KIAA1549: variants seen among roughly 807,000 people sequenced by gnomAD.
KIAA1549 encodes the protein UPF0606 protein KIAA1549.
A neutral mutation model predicts 156.4 loss-of-function variants in KIAA1549; 70 were observed. The observed-to-expected ratio is 0.45, with a 90% CI of 0.37 to 0.55. The LOEUF (loss-of-function observed/expected upper bound fraction) is 0.55. Ranked by LOEUF, KIAA1549 falls within the 20% of genes least tolerant of loss-of-function variation. The probability of loss-of-function intolerance (pLI) is 0.00; values close to 1 mark genes in which losing one functional copy is unlikely to be tolerated. For missense variants in KIAA1549, 2,428 were observed against 2,540.9 expected, an observed-to-expected ratio of 0.96 and a Z score of 0.96; for synonymous variants, 1,103 against 1,066.4, an observed-to-expected ratio of 1.03 and a Z score of -0.67.
intron 1 of KIAA1549, among the ~76,000 whole-genome samples, chr7:138,980,613 T>C (rs1814516460): frequency 1.3e-5 from 2 of 152,202 alleles, no homozygotes; most frequent in South Asian, 4.1e-4. Context: ...ACGGCCGGCC[T>C]GCCCGCATCT....
rs924895565 is a variant in KIAA1549, at chr7:138,835,059, G to T, written c.*2847C>A. 5 of 224,256 alleles carry T rather than the reference G, an allele frequency of 2.2e-5. No homozygotes were observed. The highest frequency in any genetic ancestry group is 1.3e-3 in the Middle Eastern group (1 of 748). 13.9% of individuals were successfully genotyped at this position (224,256 alleles called of 1,614,324 possible). A position where few individuals can be genotyped will look rare whatever the true frequency, so the allele number is the denominator to read the frequency against. On this transcript the variant is annotated 3_prime_UTR_variant, in exon 20 of 20. Transcript: ENST00000422774. ...CTAGAACTTTTAAAATAGGAAAAAA[G>T]AATAGACATAAAATTCAACTGTTCA...
At chr7:138,876,017 G>A (rs1811075393) in intron 12 of KIAA1549, among the ~76,000 whole-genome samples, 1 of 152,018 alleles carries the variant, frequency 6.6e-6, no homozygotes, top group South Asian at 2.1e-4. Context: ...GCCCAGGCTG[G>A]AAAACCACAT....
At chr7:138,867,320 C>A (rs1232726811) in intron 15 of KIAA1549, among the ~76,000 whole-genome samples, 1 of 152,012 alleles carries the variant, frequency 6.6e-6, no homozygotes, top group Non-Finnish European at 1.5e-5. Flanking sequence ...TGTGGGAGGC[C>A]AAGGCGGGAG....
At chr7:138,909,573 A>G (rs915017524) in intron 4 of KIAA1549, among the ~76,000 whole-genome samples, 1 of 152,238 alleles carries the variant, frequency 6.6e-6, no homozygotes, top group Admixed American at 6.5e-5. Context: ...AACCATGGGT[A>G]TATGTAGACT....
chr7:138,917,205 A>G lies in KIAA1549; in HGVS notation c.2421T>C (p.Thr807=). ...PILTESSLFS[T]LTPPDDQISA... is the part of the protein sequence containing the mutation. ...TGATTTGGTCGTCAGGAGGTGTCAG[A>G]GTTGAGAACAAAGAAGACTCAGTTA... The change falls in exon 2 of 20, where the codon ACT becomes ACC. Residue 807 remains threonine, a synonymous_variant. Transcript: ENST00000422774. 14 of 1,613,994 alleles carry G rather than the reference A, an allele frequency of 8.7e-6. No homozygotes were observed. The highest frequency in any genetic ancestry group is 1.2e-5 in the Non-Finnish European group (14 of 1,179,896).
In KIAA1549 at chr7:138,918,366, C is replaced by A. The variant is rs1243337589; in HGVS notation, c.1260G>T (p.Trp420Cys). The A allele has an allele frequency of 6.8e-6, 11 of 1,613,820 alleles. No individual in the cohort carries two copies. Among genetic ancestry groups the A allele is most frequent in the South Asian group, 4.4e-5 (4 of 91,082 alleles). Residue 420 changes from tryptophan (W) to cysteine (C), a missense_variant, in exon 2 of 20, where the codon TGG becomes TGT. Trp to Cys is a radical substitution (Grantham distance 215). Around this residue, in one of 5 missense-constraint regions of KIAA1549, gnomAD observed 893 missense variants for 847.9 expected, o/e 1.05. Coordinates refer to ENST00000422774, the MANE Select transcript of KIAA1549 (RefSeq NM_001164665.2). The surrounding 1 kb of genome is among the most constrained non-coding windows in gnomAD (Gnocchi z 4.2). ...SPVSSFRPYT[W>C]CAACTVPSPQ... ...GTGAAGGCACAGTGCAGGCCGCACA[C>A]CAAGTGTATGGTCTGAATGAGGACA...
intron 1 of KIAA1549, among the ~76,000 whole-genome samples, chr7:138,968,635 C>T (rs1435065308): frequency 1.3e-5 from 2 of 151,846 alleles, no homozygotes; most frequent in Non-Finnish European, 2.9e-5. Context: ...ATCATGAGGT[C>T]AGGAGATCGA....
At chr7:138,977,080 A>G (rs1161959401) in intron 1 of KIAA1549, among the ~76,000 whole-genome samples, 2 of 152,246 alleles carry the variant, frequency 1.3e-5, no homozygotes. Flanking sequence ...TTCACACACC[A>G]TAAGCATAAA....
intron 16 of KIAA1549, among the ~76,000 whole-genome samples, chr7:138,860,555 T>C (rs1211022541): frequency 6.6e-6 from 1 of 152,140 alleles, no homozygotes. Context: ...TCTCCATCTC[T>C]CAGGAAGGTA....
At chr7:138,884,386 A>C (rs1204855937) in intron 10 of KIAA1549, among the ~76,000 whole-genome samples, 1 of 152,202 alleles carries the variant, frequency 6.6e-6, no homozygotes, top group African/African-American at 2.4e-5. Flanking sequence ...AGAAACCTGA[A>C]AAACCGAGTT....
chr7:138,965,804 T>C (rs1814005872), intron 1 of KIAA1549, among the ~76,000 whole-genome samples: 1 of 152,244 alleles, frequency 6.6e-6, no homozygotes, highest in African/African-American at 2.4e-5. Flanking sequence ...TTTTAATTTA[T>C]ACCTTCTTTG....
At chr7:138,866,402 C>G (rs1810740890) in intron 15 of KIAA1549, among the ~76,000 whole-genome samples, 1 of 152,190 alleles carries the variant, frequency 6.6e-6, no homozygotes, top group Admixed American at 6.5e-5. Context: ...ATACAAACCT[C>G]AACTAAGAAA....
intron 17 of KIAA1549, among the ~76,000 whole-genome samples, chr7:138,845,544 G>A (rs11765253): frequency 0.15 from 22,832 of 152,156 alleles, 1,825 homozygotes; most frequent in Non-Finnish European, 0.16. Context: ...ACTCTGTTAC[G>A]CTAAAACCCA....
At chr7:138,867,211 T>C (rs540976624) in intron 15 of KIAA1549, among the ~76,000 whole-genome samples, 4 of 152,196 alleles carry the variant, frequency 2.6e-5, no homozygotes, top group African/African-American at 9.6e-5. Context: ...ACCCTAAATA[T>C]CCCTCCTCTC....
intron 12 of KIAA1549, among the ~76,000 whole-genome samples, chr7:138,874,994 C>CA (rs2130392692): frequency 6.6e-6 from 1 of 151,766 alleles, no homozygotes; most frequent in Admixed American, 6.6e-5. Flanking sequence ...GACCGTGTCT[C>CA]AAAAAAATAA....
At position 138,894,583 on chromosome 7, in the gene KIAA1549, T is replaced by G. The variant is rs1200423044; in HGVS notation, c.3848-57A>C. On this transcript the variant is annotated intron_variant, in intron 9 of 19. Coordinates refer to ENST00000422774, the MANE Select transcript of KIAA1549 (RefSeq NM_001164665.2). ...TTCCTTCTTCACTCATGCACTAGATTGCACGTGTCTTCTATGAGAAACTCA... is the reference window on the plus strand; with the variant it reads ...TTCCTTCTTCACTCATGCACTAGATGGCACGTGTCTTCTATGAGAAACTCA... The G allele has an allele frequency of 1.9e-5, 30 of 1,541,586 alleles. No homozygotes were observed. In the East Asian group the frequency reaches 6.1e-4, roughly 31 times the overall value.
intron 16 of KIAA1549, among the ~76,000 whole-genome samples, chr7:138,853,160 G>A (rs936450132): frequency 6.6e-6 from 1 of 152,168 alleles, no homozygotes; most frequent in Admixed American, 6.5e-5. Flanking sequence ...TCTGTCCAGC[G>A]GCAGTCAGTT....
chr7:138,903,603 C>T lies in KIAA1549; in HGVS notation c.3654G>A (p.Gly1218=), dbSNP rs369439161. 12 of 1,613,614 alleles carry T rather than the reference C, an allele frequency of 7.4e-6. No individual in the cohort carries two copies. Among genetic ancestry groups the T allele is most frequent in the South Asian group, 4.4e-5 (4 of 91,012 alleles). ...TGTGGAGTACCTGCACCACACTGTT[C>T]CCTGCAGCTACAGTGGCCCTTCTCC... ...RMWRRATVAA[G]NSVVQVVNVS... The change falls in exon 8 of 20, where the codon GGG becomes GGA. Residue 1218 remains glycine (G), a synonymous_variant. Coordinates refer to ENST00000422774, the MANE Select transcript of KIAA1549 (RefSeq NM_001164665.2).
At chr7:138,940,765 G>A (rs1278113516) in intron 1 of KIAA1549, among the ~76,000 whole-genome samples, 1 of 152,226 alleles carries the variant, frequency 6.6e-6, no homozygotes, top group Non-Finnish European at 1.5e-5. Context: ...CTGATGGCCA[G>A]TGATGATGAG....
Sources: gnomAD v4.1 joint callset for allele counts (sites outside exome capture counted in the v4.1 genomes callset) on GRCh38, gnomAD v4.1.1 for gene constraint, gnomAD v4.1.1 regional missense constraint, Gnocchi (gnomAD v3.1) non-coding constraint, MANE v1.5 for transcripts, NCBI Gene and HGNC (gene_info 2026-07-23, HGNC 2026-07-21) for gene names.